The following SDK1 variants were observed in gnomAD, a reference collection of about 807,000 sequenced individuals.
SDK1 encodes the protein protein sidekick-1.
Under a neutral mutation model 245.5 loss-of-function variants are expected in SDK1, and 157 were observed. That is an observed-to-expected ratio of 0.64 (90% confidence interval 0.56 to 0.73). SDK1 has a LOEUF of 0.73. Among genes scored for constraint, SDK1 ranks in the 30% least tolerant of loss-of-function variants. The pLI is 0.00. For synonymous variants in SDK1, 1,647 were observed against 1,278.5 expected, an observed-to-expected ratio of 1.29 and a Z score of -6.15; for missense variants, 3,583 against 3,002.3, an observed-to-expected ratio of 1.19 and a Z score of -4.52.
chr7:3,601,575 G>T lies in SDK1; in HGVS notation c.299-17505G>T, dbSNP rs1034460090. 2.6e-5 allele frequency among the ~76,000 whole-genome samples: 4 copies of T among 151,826 alleles called. No individual in the cohort carries two copies. In the South Asian group the frequency reaches 8.3e-4, roughly 32 times the overall value. On this transcript the variant is annotated intron_variant, in intron 1 of 44. Coordinates refer to ENST00000404826, the MANE Select transcript of SDK1 (RefSeq NM_152744.4). Reference sequence around the variant, plus strand: ...CAGTGATACCATTGTTGGTGTTGATGATTTGTGTCTTCTCTCTTTTTATTT... The same window carrying T: ...CAGTGATACCATTGTTGGTGTTGATTATTTGTGTCTTCTCTCTTTTTATTT...
At chr7:4,196,629 G>A (rs1005667998) in intron 35 of SDK1, among the ~76,000 whole-genome samples, 1 of 151,972 alleles carries the variant, frequency 6.6e-6, no homozygotes, top group South Asian at 2.1e-4. Flanking sequence ...GCACTGCCCG[G>A]GGAGCCCTGC....
chr7:3,421,580 T>C (rs1429428896), intron 1 of SDK1, among the ~76,000 whole-genome samples: 1 of 152,208 alleles, frequency 6.6e-6, no homozygotes, highest in African/African-American at 2.4e-5. Context: ...TGAGCTGCTA[T>C]CTGTAAACTA....
intron 4 of SDK1, among the ~76,000 whole-genome samples, chr7:3,646,128 A>G (rs372206898): frequency 1.1e-4 from 17 of 152,198 alleles, no homozygotes; most frequent in Admixed American, 4.6e-4. Context: ...GAGTGCTGGG[A>G]TTATAGGCGT....
rs372869168 is a variant in SDK1 at position 3,306,484 on chromosome 7, C to T, written c.298+4600C>T. On this transcript the variant is annotated intron_variant, in intron 1 of 44. Coordinates refer to ENST00000404826, the MANE Select transcript of SDK1 (RefSeq NM_152744.4). The stretch of plus-strand genomic sequence containing the variant: ...TGCACTGAAGTGTATGAATTTGAGT[C>T]CTTTAACTAAAGGAGGTGGAGTTTG... 1.3e-4 allele frequency among the ~76,000 whole-genome samples: 20 copies of T among 152,192 alleles called. No individual in the cohort carries two copies. The East Asian group carries it at 3.7e-3, about 28-fold the overall frequency.
intron 36 of SDK1, among the ~76,000 whole-genome samples, chr7:4,207,402 G>A (rs78049593): frequency 0.017 from 2,587 of 152,234 alleles, 70 homozygotes; most frequent in African/African-American, 0.058. Context: ...AGCAATTCTG[G>A]CAACCTCTTT....
At chr7:3,526,104 C>T (rs1421283155) in intron 1 of SDK1, among the ~76,000 whole-genome samples, 2 of 152,046 alleles carry the variant, frequency 1.3e-5, no homozygotes, top group African/African-American at 4.8e-5. Context: ...TGTGATGGTG[C>T]ATGCCGGTAA....
intron 4 of SDK1, among the ~76,000 whole-genome samples, chr7:3,710,792 C>T (rs1170604657): frequency 1.3e-5 from 2 of 152,204 alleles, no homozygotes; most frequent in South Asian, 2.1e-4. Flanking sequence ...TTGGAAAATT[C>T]CTTCAGGATG....
chr7:3,601,834 C>A (rs1229834697), intron 1 of SDK1, among the ~76,000 whole-genome samples: 1 of 133,690 alleles, frequency 7.5e-6, no homozygotes, highest in Admixed American at 7.8e-5. Context: ...CCCCTTCCCC[C>A]ACCCCACAAC....
At chr7:3,731,295 A>T (rs1442838927) in intron 4 of SDK1, among the ~76,000 whole-genome samples, 1 of 152,176 alleles carries the variant, frequency 6.6e-6, no homozygotes, top group Non-Finnish European at 1.5e-5. Flanking sequence ...AAGAAAAAAC[A>T]TACAAGTGCT....
chr7:3,456,613 G>C (rs1218513738), intron 1 of SDK1, among the ~76,000 whole-genome samples: 1 of 151,904 alleles, frequency 6.6e-6, no homozygotes, highest in Non-Finnish European at 1.5e-5. Flanking sequence ...TTTTTTCCGA[G>C]AGAATACATA....
At chr7:3,679,028 G>T (rs1279920234) in intron 4 of SDK1, among the ~76,000 whole-genome samples, 1 of 152,202 alleles carries the variant, frequency 6.6e-6, no homozygotes. Context: ...GAAATCTTCA[G>T]AGCCTACGGA....
chr7:4,079,685 A>T, intron 22 of SDK1, 101 bp downstream of exon 22: 1 of 1,511,468 alleles, frequency 6.6e-7, no homozygotes, highest in East Asian at 2.3e-5. Flanking sequence ...GGTGTCGGGG[A>T]GATGGGTGTG....
chr7:3,738,443 C>T (rs1583359097), intron 4 of SDK1, among the ~76,000 whole-genome samples: 1 of 152,216 alleles, frequency 6.6e-6, no homozygotes, highest in East Asian at 1.9e-4. Flanking sequence ...GTTTTGATTA[C>T]TGTAGCTCTA....
chr7:3,602,704 G>C (rs1408731738), intron 1 of SDK1, among the ~76,000 whole-genome samples: 1 of 151,908 alleles, frequency 6.6e-6, no homozygotes, highest in African/African-American at 2.4e-5. Context: ...GTCAATTTTG[G>C]CTTTTGTTGC....
chr7:4,135,440 A>T (rs567753353), intron 28 of SDK1, among the ~76,000 whole-genome samples: 1 of 152,232 alleles, frequency 6.6e-6, no homozygotes, highest in Non-Finnish European at 1.5e-5. Flanking sequence ...GGAGAAACGT[A>T]CAAGGATGTT....
At chr7:3,351,708 A>G (rs961658016) in intron 1 of SDK1, among the ~76,000 whole-genome samples, 2 of 152,348 alleles carry the variant, frequency 1.3e-5, no homozygotes, top group African/African-American at 2.4e-5. Flanking sequence ...CACAGTGGTA[A>G]AAGGTTCAGT....
chr7:3,456,996 C>T (rs1289021376), intron 1 of SDK1, among the ~76,000 whole-genome samples: 1 of 152,142 alleles, frequency 6.6e-6, no homozygotes, highest in Non-Finnish European at 1.5e-5. Flanking sequence ...TTGCAGGTGC[C>T]TCTCAAGGGT....
At chr7:4,003,129 C>T (rs570556633) in intron 14 of SDK1, among the ~76,000 whole-genome samples, 109 of 152,370 alleles carry the variant, frequency 7.2e-4, no homozygotes, top group Admixed American at 2.1e-3. Flanking sequence ...CTCTGACAGC[C>T]CTCACTCTTG....
chr7:3,931,340 C>G (rs985700761), intron 5 of SDK1, among the ~76,000 whole-genome samples: 3 of 152,198 alleles, frequency 2.0e-5, no homozygotes, highest in Non-Finnish European at 1.5e-5. Flanking sequence ...TGCAAATGTT[C>G]ATACAACTAT....
Sources: allele counts gnomAD v4.1 joint callset (sites outside exome capture counted in the v4.1 genomes callset), GRCh38; gene constraint gnomAD v4.1.1; transcripts MANE v1.5; gene names NCBI Gene and HGNC (gene_info 2026-07-23, HGNC 2026-07-21).